TJP1: variants seen among roughly 807,000 people sequenced by gnomAD.
The protein encoded by TJP1 is tight junction protein 1, also known as tight junction protein ZO-1.
A neutral mutation model predicts 194.2 loss-of-function variants in TJP1; 43 were observed. That is an observed-to-expected ratio of 0.22 (90% CI 0.17 to 0.29). TJP1 has a LOEUF of 0.29. Among genes scored for constraint, TJP1 ranks in the 10% least tolerant of loss-of-function variants. The probability of loss-of-function intolerance (pLI) is 1.00; values close to 1 mark genes in which losing one functional copy is unlikely to be tolerated. For missense variants in TJP1, 1,971 were observed against 2,185.7 expected, an observed-to-expected ratio of 0.90 and a Z score of 1.96; for synonymous variants, 801 against 779.0, an observed-to-expected ratio of 1.03 and a Z score of -0.47.
At chr15:29,739,773 C>T (rs1215862000) in intron 10 of TJP1, among the ~76,000 whole-genome samples, 1 of 151,838 alleles carries the variant, frequency 6.6e-6, no homozygotes, top group Admixed American at 6.6e-5. Flanking sequence ...ATTACAGTTT[C>T]CTAAACCTCA....
At position 29,740,129 on chromosome 15, in the gene TJP1, A is replaced by G. The variant is rs534241930; in HGVS notation, c.1256+1202T>C. ...CAACCTCCCGAGTAGCTGGGACTAT[A>G]GGCGCCCAGCTAATTTTTTGTATTT... On this transcript the variant is annotated intron_variant, in intron 10 of 27. Transcript: ENST00000614355. 2.1e-3 allele frequency among the ~76,000 whole-genome samples: 324 copies of G among 151,956 alleles called. 1 individual carries two copies. Among genetic ancestry groups the G allele is most frequent in the Non-Finnish European group, 3.4e-3 (231 of 67,966 alleles).
chr15:29,943,548 A>T (rs1241599248), intron 2 of TJP1, among the ~76,000 whole-genome samples: 1 of 146,168 alleles, frequency 6.8e-6, no homozygotes, highest in Non-Finnish European at 1.5e-5. Flanking sequence ...GAATTGCTGG[A>T]ACTGGGAGGT....
chr15:29,722,944 C>T (rs2151160233), intron 18 of TJP1, among the ~76,000 whole-genome samples: 2 of 152,242 alleles, frequency 1.3e-5, no homozygotes, highest in South Asian at 2.1e-4. Flanking sequence ...GATTGGAGCT[C>T]CTTTGTTTTG....
rs189075020 is a variant in TJP1, at chr15:29,730,263, C to T, written c.2017+2170G>A. Among the ~76,000 whole-genome samples, 210 of 152,090 alleles carry T rather than the reference C, an allele frequency of 1.4e-3. 1 individual carries two copies. The South Asian group carries it at 0.017, about 12-fold the overall frequency. ...CAACTTTTCCAAACACAGAATGGCA[C>T]TTTTATAATTACAAAAACAGTTTAA... On this transcript the variant is annotated intron_variant, in intron 15 of 27. Coordinates refer to ENST00000614355, the MANE Select transcript of TJP1 (RefSeq NM_001330239.4).
chr15:29,952,397 A>G (rs1192504078), intron 2 of TJP1, among the ~76,000 whole-genome samples: 1 of 152,178 alleles, frequency 6.6e-6, no homozygotes, highest in Non-Finnish European at 1.5e-5. Context: ...AAAATGAACT[A>G]GAATGCCCAT....
At chr15:29,770,390 G>A (rs887217627) in intron 4 of TJP1, among the ~76,000 whole-genome samples, 6 of 152,048 alleles carry the variant, frequency 3.9e-5, no homozygotes, top group Admixed American at 3.3e-4. Context: ...CCAAGATCAC[G>A]CTACTGCACT....
Position 29,700,457 on chromosome 15 carries a change from A to T in TJP1, c.*1138T>A. The T allele has an allele frequency of 5.0e-6, 2 of 398,986 alleles. No homozygotes were observed. Among genetic ancestry groups the T allele is most frequent in the Non-Finnish European group, 8.8e-6 (2 of 226,040 alleles). The allele number at this position is 398,986 out of a possible 1,614,324, so 24.7% of individuals were successfully genotyped here. On this transcript the variant is annotated 3_prime_UTR_variant, in exon 28 of 28. Coordinates refer to ENST00000614355, the MANE Select transcript of TJP1 (RefSeq NM_001330239.4). ...AACTCTGTGCATCCTTTTTCTTAAA[A>T]AAAATGACCTTGCATGTGTCATAGA...
At chr15:29,943,872 CA>C (rs536105832) in intron 2 of TJP1, among the ~76,000 whole-genome samples, 51 of 150,764 alleles carry the variant, frequency 3.4e-4, no homozygotes, top group Admixed American at 5.9e-4. Context: ...TGCTTGAACC[CA>C]GCAGGCAGAG....
Position 29,737,292 on chromosome 15 carries a change from C to G in TJP1, c.1379G>C (p.Gly460Ala). The G allele has an allele frequency of 6.2e-7, 1 of 1,614,124 alleles. No homozygotes were observed. The highest frequency in any genetic ancestry group is 8.5e-7 in the Non-Finnish European group (1 of 1,179,990). Residue 460 changes from glycine (G) to alanine (A), a missense_variant, in exon 11 of 28, where the codon GGC becomes GCC. Transcript: ENST00000614355. ...VLEDSPAAKEGLEEGDQILRV... is the reference protein window; with the variant it reads ...VLEDSPAAKEALEEGDQILRV... The stretch of plus-strand genomic sequence containing the variant: ...GAGAATTTGATCACCTTCCTCTAAG[C>G]CTTCCTTGGCTGCAGGGCTATCTTC...
At chr15:29,714,563 CAG>C (rs1284695265) in intron 23 of TJP1, among the ~76,000 whole-genome samples, 1 of 55,502 alleles carries the variant, frequency 1.8e-5, no homozygotes, top group Non-Finnish European at 3.3e-5. Context: ...TTTTTTGAGA[CAG>C]AGTCTCACTC....
chr15:29,793,452 T>C (rs1489788078), intron 2 of TJP1, among the ~76,000 whole-genome samples: 3 of 152,158 alleles, frequency 2.0e-5, no homozygotes, highest in Non-Finnish European at 4.4e-5. Context: ...AAGAAATACC[T>C]GAGACTGGGC....
chr15:29,868,392 G>T (rs1397923004), intron 2 of TJP1, among the ~76,000 whole-genome samples: 2 of 152,120 alleles, frequency 1.3e-5, no homozygotes, highest in Non-Finnish European at 2.9e-5. Context: ...TCAGTGTTGT[G>T]GCTTCATATA....
At chr15:29,903,849 C>T (rs182868994) in intron 2 of TJP1, among the ~76,000 whole-genome samples, 11 of 152,294 alleles carry the variant, frequency 7.2e-5, no homozygotes, top group Admixed American at 2.6e-4. Context: ...ACCACAGCAA[C>T]AAGAAATTCC....
At chr15:29,704,847 T>A (rs897904747) in intron 26 of TJP1, among the ~76,000 whole-genome samples, 3 of 152,252 alleles carry the variant, frequency 2.0e-5, no homozygotes, top group African/African-American at 7.2e-5. Flanking sequence ...TACTGGTTTT[T>A]AAAACAGGAT....
chr15:29,968,392 C>A, intron 1 of TJP1: 1 of 985,302 alleles, frequency 1.0e-6, no homozygotes, highest in Non-Finnish European at 1.2e-6. Context: ...GGGTGCCAGG[C>A]GTCCCGGCCG....
chr15:29,704,302 T>TCA lies in TJP1; in HGVS notation c.5070_5071dup (p.Glu1691ValfsTer5), dbSNP rs1358810997. ...CATCACCAAAGGACTCAGCAGTGTT[T>TCA]CACCTGGAGTTGGAAAAGGGGATAG... On this transcript the variant is annotated frameshift_variant, in exon 27 of 28. Transcript: ENST00000614355. LOFTEE classifies it high-confidence loss of function. 1 of 1,591,184 alleles carries TCA rather than the reference T, an allele frequency of 6.3e-7. No individual in the cohort carries two copies. The highest frequency in any genetic ancestry group is 8.6e-7 in the Non-Finnish European group (1 of 1,168,510).
At chr15:29,965,776 G>A (rs1238725599) in intron 1 of TJP1, among the ~76,000 whole-genome samples, 1 of 152,170 alleles carries the variant, frequency 6.6e-6, no homozygotes, top group African/African-American at 2.4e-5. Flanking sequence ...TTAAGAATAT[G>A]AAGTATTCTA....
At chr15:29,785,458 G>A (rs766011245) in intron 2 of TJP1, among the ~76,000 whole-genome samples, 3 of 152,074 alleles carry the variant, frequency 2.0e-5, no homozygotes, top group Non-Finnish European at 4.4e-5. Context: ...CACACAAAAG[G>A]TCTGCCCACC....
chr15:29,968,826 T>G, exon 1 of TJP1: 1 of 1,049,354 alleles, frequency 9.5e-7, no homozygotes, highest in Non-Finnish European at 1.2e-6. Flanking sequence ...ACACAGCCCC[T>G]CCAGGCGCCG....
Sources: allele counts gnomAD v4.1 joint callset (sites outside exome capture counted in the v4.1 genomes callset), GRCh38; gene constraint gnomAD v4.1.1; transcripts MANE v1.5; gene names NCBI Gene and HGNC (gene_info 2026-07-23, HGNC 2026-07-21).